ARHGEF7: variants seen among roughly 807,000 people sequenced by gnomAD.
The protein encoded by ARHGEF7 is PAK-interacting exchange factor beta.
A neutral mutation model predicts 109.8 loss-of-function variants in ARHGEF7; 33 were observed. That is an observed-to-expected ratio of 0.30 (90% CI 0.23 to 0.40). ARHGEF7 has a LOEUF of 0.40. Ranked by LOEUF, ARHGEF7 falls within the 10% of genes least tolerant of loss-of-function variation. The pLI, the probability that ARHGEF7 is intolerant of heterozygous loss-of-function variation, is 1.00. For missense variants in ARHGEF7, 938 were observed against 1,098.5 expected (o/e 0.85, Z 2.07); for synonymous variants, 458 against 424.6 (o/e 1.08, Z -0.97).
chr13:111,249,871 G>T (rs1473050615), intron 8 of ARHGEF7, among the ~76,000 whole-genome samples: 1 of 152,154 alleles, frequency 6.6e-6, no homozygotes, highest in East Asian at 1.9e-4. Context: ...TCTCTGTTCG[G>T]CAACAAAAGG....
At chr13:111,223,106 A>G (rs185089269) in intron 5 of ARHGEF7, among the ~76,000 whole-genome samples, 2 of 152,370 alleles carry the variant, frequency 1.3e-5, no homozygotes, top group Non-Finnish European at 2.9e-5. Flanking sequence ...TGGTATATAT[A>G]CAGAGATATA....
intron 2 of ARHGEF7, 140 bp downstream of exon 2, chr13:111,154,131 G>A (rs2076104324): frequency 2.2e-6 from 2 of 918,730 alleles, no homozygotes; most frequent in African/African-American, 3.5e-5. Context: ...AGTCCGGGAT[G>A]TGTGGAACGG....
At chr13:111,302,109 G>A (rs2093582028) in intron 21 of ARHGEF7, among the ~76,000 whole-genome samples, 1 of 152,156 alleles carries the variant, frequency 6.6e-6, no homozygotes, top group Non-Finnish European at 1.5e-5. Flanking sequence ...GACAAATCCT[G>A]CGAGGCGCCC....
chr13:111,240,447 C>G (rs763134033), intron 6 of ARHGEF7, among the ~76,000 whole-genome samples: 3 of 152,162 alleles, frequency 2.0e-5, no homozygotes, highest in African/African-American at 4.8e-5. Context: ...AATCAGCAAC[C>G]GTGTGGTCGG....
chr13:111,137,478 C>T (rs895665823), intron 1 of ARHGEF7, among the ~76,000 whole-genome samples: 2 of 152,210 alleles, frequency 1.3e-5, no homozygotes, highest in Non-Finnish European at 2.9e-5. Flanking sequence ...GGTGTGCCCT[C>T]CCCATCCTCA....
At chr13:111,210,033 T>C (rs1245356613) in intron 4 of ARHGEF7, 31 bp downstream of exon 4, 24 of 1,613,858 alleles carry the variant, frequency 1.5e-5, no homozygotes, top group Non-Finnish European at 1.9e-5. Context: ...TACTTAAATA[T>C]GTTTGGGAAG....
At chr13:111,173,163 G>A (rs1013336615) in intron 2 of ARHGEF7, among the ~76,000 whole-genome samples, 2 of 152,110 alleles carry the variant, frequency 1.3e-5, no homozygotes, top group African/African-American at 4.8e-5. Context: ...TGGTGTCAGA[G>A]TGCACACAGA....
Position 111,256,129 on chromosome 13 carries a change from T to C in ARHGEF7, c.951-11419T>C, listed in dbSNP as rs943377643. ...AAATGTGTCTTTAGTCTTATTCTTA[T>C]CCTACACTAATCAGTTCCTTGATTA... On this transcript the variant is annotated intron_variant, in intron 8 of 21. Coordinates refer to ENST00000646102, the MANE Select transcript of ARHGEF7 (RefSeq NM_001354046.2). Among the ~76,000 whole-genome samples, 6 of 152,220 alleles carry C rather than the reference T, an allele frequency of 3.9e-5. No homozygotes were observed. The East Asian group carries it at 9.6e-4, about 24-fold the overall frequency.
chr13:111,272,768 T>C lies in ARHGEF7; in HGVS notation c.1074-1046T>C, dbSNP rs1407815875. On this transcript the variant is annotated intron_variant, in intron 9 of 21. Transcript: ENST00000646102. This position sits in a 1 kb window ranked among gnomAD's most constrained non-coding sequence, Gnocchi z 5.2. ...TGTGGGCTGTACACTGTCAGATGTG[T>C]GGACTGATGGCACATGCAATTTGAG... 6.6e-6 allele frequency among the ~76,000 whole-genome samples: 1 copy of C among 152,066 alleles called. No homozygotes were observed. The highest frequency in any genetic ancestry group is 1.5e-5 in the Non-Finnish European group (1 of 68,006).
intron 20 of ARHGEF7, 22 bp downstream of exon 20, chr13:111,300,869 T>C: frequency 6.5e-7 from 1 of 1,527,712 alleles, no homozygotes; most frequent in South Asian, 1.2e-5. Context: ...TCCGGTATTC[T>C]AAAGCAGATG....
At chr13:111,217,917 C>A in intron 5 of ARHGEF7, 37 bp downstream of exon 5, 1 of 1,564,968 alleles carries the variant, frequency 6.4e-7, no homozygotes. Context: ...TGGCTTTTTG[C>A]GATGAGCAGA....
At chr13:111,121,430 A>G (rs1352703747) in intron 1 of ARHGEF7, among the ~76,000 whole-genome samples, 4 of 152,254 alleles carry the variant, frequency 2.6e-5, no homozygotes, top group Non-Finnish European at 4.4e-5. Flanking sequence ...TTCAAGTACT[A>G]TGTACACACG....
intron 6 of ARHGEF7, among the ~76,000 whole-genome samples, chr13:111,235,782 GT>G (rs2153531450): frequency 6.6e-6 from 1 of 152,314 alleles, no homozygotes; most frequent in African/African-American, 2.4e-5. Context: ...TAGATAATGT[GT>G]TAGGCATTTC....
chr13:111,167,712 A>G (rs1008817090), intron 2 of ARHGEF7, among the ~76,000 whole-genome samples: 1 of 152,154 alleles, frequency 6.6e-6, no homozygotes, highest in Non-Finnish European at 1.5e-5. Flanking sequence ...CTCCCTCCTA[A>G]ATACCCTAAC....
chr13:111,154,701 A>AT (rs1358354247), intron 2 of ARHGEF7, among the ~76,000 whole-genome samples: 1 of 152,170 alleles, frequency 6.6e-6, no homozygotes, highest in African/African-American at 2.4e-5. Flanking sequence ...GTTTCTGGGA[A>AT]TTTAACTCTT....
At chr13:111,208,674 G>A (rs1240670972) in intron 3 of ARHGEF7, among the ~76,000 whole-genome samples, 2 of 152,078 alleles carry the variant, frequency 1.3e-5, no homozygotes, top group African/African-American at 4.8e-5. Flanking sequence ...TTTGTGCTGC[G>A]GGTTGCCTGA....
intron 2 of ARHGEF7, among the ~76,000 whole-genome samples, chr13:111,158,118 A>G (rs1441019906): frequency 2.0e-5 from 3 of 152,196 alleles, no homozygotes; most frequent in African/African-American, 7.2e-5. Context: ...AAAGCTATGG[A>G]TTTTAACTTA....
rs781313435 is a variant in ARHGEF7 at position 111,228,513 on chromosome 13, T to G, written c.671-4692T>G. Reference sequence around the variant, plus strand: ...CGATGCTGAGGACTGCTAACACTGTTAAGAGTCTATACGTGGTCATTCTCT... The same window carrying G: ...CGATGCTGAGGACTGCTAACACTGTGAAGAGTCTATACGTGGTCATTCTCT... On this transcript the variant is annotated intron_variant, in intron 5 of 21. Transcript: ENST00000646102. This position sits in a 1 kb window ranked among gnomAD's most constrained non-coding sequence, Gnocchi z 4.6. Among the ~76,000 whole-genome samples, 4 of 152,226 alleles carry G rather than the reference T, an allele frequency of 2.6e-5. No homozygotes were observed. Among genetic ancestry groups the G allele is most frequent in the Non-Finnish European group, 5.9e-5 (4 of 68,034 alleles).
chr13:111,229,084 C>T (rs1484448201), intron 5 of ARHGEF7, among the ~76,000 whole-genome samples: 1 of 151,892 alleles, frequency 6.6e-6, no homozygotes, highest in East Asian at 1.9e-4. Context: ...GCACCTGGCT[C>T]CCCGGACCTG....
Sources: allele counts gnomAD v4.1 joint callset (sites outside exome capture counted in the v4.1 genomes callset), GRCh38; gene constraint gnomAD v4.1.1; non-coding constraint Gnocchi (gnomAD v3.1); transcripts MANE v1.5; gene names NCBI Gene and HGNC (gene_info 2026-07-23, HGNC 2026-07-21).